The following LARGE1 variants were observed in gnomAD, a reference collection of about 807,000 sequenced individuals.
The protein encoded by LARGE1 is xylosyl- and glucuronyltransferase LARGE1.
A neutral mutation model predicts 87.6 loss-of-function variants in LARGE1; 43 were observed. That is an observed-to-expected ratio of 0.49 (90% CI 0.38 to 0.63). LARGE1 has a LOEUF of 0.63. Ranked by LOEUF, LARGE1 falls within the 30% of genes least tolerant of loss-of-function variation. The pLI is 0.00. For synonymous variants in LARGE1, 434 were observed against 394.6 expected (o/e 1.10, Z -1.18); for missense variants, 802 against 1,000.2 (o/e 0.80, Z 2.67).
intron 6 of LARGE1, among the ~76,000 whole-genome samples, chr22:33,551,598 G>A (rs1046631691): frequency 2.6e-5 from 4 of 152,142 alleles, no homozygotes; most frequent in African/African-American, 9.7e-5. Flanking sequence ...TGATTCTAAA[G>A]GTGTGGACTT....
intron 1 of LARGE1, among the ~76,000 whole-genome samples, chr22:33,918,327 G>T (rs1051107009): frequency 1.3e-5 from 2 of 152,072 alleles, no homozygotes; most frequent in African/African-American, 4.8e-5. Context: ...CGATCTTCCC[G>T]TTAAAAACCT....
intron 9 of LARGE1, among the ~76,000 whole-genome samples, chr22:33,349,986 A>G (rs1446654197): frequency 1.3e-5 from 2 of 152,216 alleles, no homozygotes; most frequent in Non-Finnish European, 2.9e-5. Context: ...CATGAATCCC[A>G]GGCCTTGTCT....
intron 2 of LARGE1, among the ~76,000 whole-genome samples, chr22:33,743,380 C>T (rs1456483149): frequency 6.6e-6 from 1 of 152,130 alleles, no homozygotes; most frequent in East Asian, 1.9e-4. Flanking sequence ...CAGCTCTTCC[C>T]ACCGACCTCT....
chr22:33,875,800 C>T (rs1234681582), intron 1 of LARGE1, among the ~76,000 whole-genome samples: 1 of 152,124 alleles, frequency 6.6e-6, no homozygotes, highest in Non-Finnish European at 1.5e-5. Context: ...GAGAAGCCTG[C>T]CTGTCCCACA....
At chr22:33,806,493 C>G (rs551088606) in intron 1 of LARGE1, among the ~76,000 whole-genome samples, 1 of 152,306 alleles carries the variant, frequency 6.6e-6, no homozygotes, top group South Asian at 2.1e-4. Context: ...AGAGGACAAA[C>G]AGTTCCTTGA....
chr22:33,162,362 C>T (rs1168861911), exon 12 of LARGE1: 1 of 152,124 alleles, frequency 6.6e-6, no homozygotes. Context: ...GGAGGAAAAG[C>T]CCCTTATCAC....
intron 6 of LARGE1, among the ~76,000 whole-genome samples, chr22:33,479,565 T>C (rs2069222364): frequency 1.3e-5 from 2 of 152,170 alleles, no homozygotes; most frequent in Admixed American, 1.3e-4. Flanking sequence ...AATGAAAGGA[T>C]GAATGACTGA....
At chr22:33,607,581 G>A (rs2079303457) in intron 4 of LARGE1, among the ~76,000 whole-genome samples, 1 of 151,958 alleles carries the variant, frequency 6.6e-6, no homozygotes, top group Non-Finnish European at 1.5e-5. Context: ...GGAGCAGAAG[G>A]CAACACTGGG....
At chr22:33,358,094 C>T (rs1446844391) in intron 9 of LARGE1, among the ~76,000 whole-genome samples, 1 of 152,194 alleles carries the variant, frequency 6.6e-6, no homozygotes, top group Non-Finnish European at 1.5e-5. Flanking sequence ...GGTACTTAAA[C>T]AGGAGCCAGC....
At chr22:33,493,156 T>C (rs2069935708) in intron 6 of LARGE1, among the ~76,000 whole-genome samples, 1 of 134,748 alleles carries the variant, frequency 7.4e-6, no homozygotes, top group Non-Finnish European at 1.6e-5. Context: ...ATGGTGGCCT[T>C]TTTTTTTTTT....
At chr22:33,818,369 C>A (rs1446599832) in intron 1 of LARGE1, among the ~76,000 whole-genome samples, 3 of 152,128 alleles carry the variant, frequency 2.0e-5, no homozygotes, top group Middle Eastern at 3.2e-3. Flanking sequence ...GGATGTCTTT[C>A]CAGAGCCTGA....
chr22:33,311,158 C>T (rs952009541), intron 11 of LARGE1, among the ~76,000 whole-genome samples: 1 of 152,124 alleles, frequency 6.6e-6, no homozygotes, highest in African/African-American at 2.4e-5. Context: ...GATGGGGTTT[C>T]ACTGTGTTAG....
chr22:33,084,906 C>T, the LARGE1 span, among the ~76,000 whole-genome samples: 9 of 152,122 alleles, frequency 5.9e-5, no homozygotes, highest in Non-Finnish European at 1.2e-4. Flanking sequence ...ACACTGACAG[C>T]ACATCTTAAT....
intron 1 of LARGE1, among the ~76,000 whole-genome samples, chr22:33,919,716 C>T (rs1377927195): frequency 6.6e-6 from 1 of 152,246 alleles, no homozygotes; most frequent in East Asian, 1.9e-4. Flanking sequence ...GGTCACATGC[C>T]CTCGTGGTGT....
In LARGE1 at chr22:33,891,439, T is replaced by TAAAAA. The variant is rs34298566; in HGVS notation, c.-83+28551_-83+28555dup. 1.6e-3 allele frequency among the ~76,000 whole-genome samples: 240 copies of TAAAAA among 147,910 alleles called. 3 individuals carry two copies. The highest frequency in any genetic ancestry group is 0.016 in the South Asian group (73 of 4,612). Reference sequence around the variant, plus strand: ...AAGGCACCATGCTATGTGCTAGCCATAAAAAAAAAAAAAACTGTATTGAGA... The same window carrying TAAAAA: ...AAGGCACCATGCTATGTGCTAGCCATAAAAAAAAAAAAAAAAAAACTGTATTGAGA... On this transcript the variant is annotated intron_variant, in intron 1 of 14. Coordinates refer to ENST00000397394, the MANE Select transcript of LARGE1 (RefSeq NM_133642.5).
intron 2 of LARGE1, among the ~76,000 whole-genome samples, chr22:33,729,985 C>CGT (rs764174820): frequency 6.6e-6 from 1 of 151,604 alleles, no homozygotes; most frequent in African/African-American, 2.4e-5. Flanking sequence ...TGTGTGCATG[C>CGT]GTGTGTGTGT....
chr22:33,765,202 A>C (rs1484563495), intron 1 of LARGE1, among the ~76,000 whole-genome samples: 1 of 152,178 alleles, frequency 6.6e-6, no homozygotes, highest in African/African-American at 2.4e-5. Context: ...GCCAAGGATT[A>C]TACACTACTA....
intron 6 of LARGE1, among the ~76,000 whole-genome samples, chr22:33,521,174 A>C (rs2071568282): frequency 6.6e-6 from 1 of 152,232 alleles, no homozygotes; most frequent in Admixed American, 6.5e-5. Context: ...GGTTCTTAAA[A>C]AGTTTCTCCA....
At chr22:33,398,701 C>T (rs1177187570) in intron 7 of LARGE1, among the ~76,000 whole-genome samples, 2 of 152,176 alleles carry the variant, frequency 1.3e-5, no homozygotes, top group African/African-American at 4.8e-5. Flanking sequence ...CAGTTGTAAT[C>T]AAGTCAACAT....
Sources: allele counts gnomAD v4.1 joint callset (sites outside exome capture counted in the v4.1 genomes callset), GRCh38; gene constraint gnomAD v4.1.1; transcripts MANE v1.5; gene names NCBI Gene and HGNC (gene_info 2026-07-23, HGNC 2026-07-21).